Variants in GPHN observed in about 807,000 individuals in gnomAD.
The protein encoded by GPHN is gephyrin.
GPHN carries 17 observed loss-of-function variants against 95.5 expected under a neutral mutation model. The observed-to-expected ratio is 0.18, with a 90% CI of 0.12 to 0.27. GPHN has a LOEUF of 0.27. Among genes scored for constraint, GPHN ranks in the 10% least tolerant of loss-of-function variants. The pLI, the probability that GPHN is intolerant of heterozygous loss-of-function variation, is 1.00. For synonymous variants in GPHN, 320 were observed against 322.5 expected (o/e 0.99, Z 0.08); for missense variants, 660 against 978.1 (o/e 0.67, Z 4.34).
chr14:66,831,251 ATT>A (rs1257988212), intron 4 of GPHN, among the ~76,000 whole-genome samples: 1 of 152,134 alleles, frequency 6.6e-6, no homozygotes, highest in Non-Finnish European at 1.5e-5. Context: ...AGAAAATTTG[ATT>A]TTGTTTTGAG....
the GPHN span, chr14:67,198,460 T>C: frequency 1.3e-6 from 1 of 787,162 alleles, no homozygotes; most frequent in South Asian, 2.1e-5. Flanking sequence ...GTTTGGGAAC[T>C]TTAAAAAACC....
At chr14:67,115,225 T>C (rs1272062387) in intron 16 of GPHN, among the ~76,000 whole-genome samples, 1 of 151,936 alleles carries the variant, frequency 6.6e-6, no homozygotes, top group African/African-American at 2.4e-5. Context: ...CCAGGCACTT[T>C]ACTGGAAATT....
intron 1 of GPHN, among the ~76,000 whole-genome samples, chr14:66,573,229 T>C (rs1041373282): frequency 6.6e-6 from 1 of 152,198 alleles, no homozygotes; most frequent in African/African-American, 2.4e-5. Flanking sequence ...CATAGTGCTG[T>C]TTGATTCTGT....
chr14:67,031,063 A>G (rs545820519), intron 10 of GPHN, among the ~76,000 whole-genome samples: 1 of 152,082 alleles, frequency 6.6e-6, no homozygotes, highest in African/African-American at 2.4e-5. Flanking sequence ...TCTTCAAATT[A>G]TCTCATGTAT....
intron 2 of GPHN, among the ~76,000 whole-genome samples, chr14:66,771,573 T>C (rs1394146892): frequency 6.6e-6 from 1 of 152,000 alleles, no homozygotes; most frequent in East Asian, 1.9e-4. Flanking sequence ...CATTGCAAAA[T>C]TGCAATTTTT....
chr14:67,160,279 C>G (rs2081897139), intron 19 of GPHN, among the ~76,000 whole-genome samples: 1 of 151,964 alleles, frequency 6.6e-6, no homozygotes, highest in Non-Finnish European at 1.5e-5. Flanking sequence ...TCCTCTGTCT[C>G]TGATATATGC....
intron 1 of GPHN, among the ~76,000 whole-genome samples, chr14:66,597,445 C>T (rs547263277): frequency 9.9e-5 from 15 of 152,240 alleles, no homozygotes; most frequent in East Asian, 3.9e-4. Flanking sequence ...ATGGAGCTGG[C>T]GTATCAGCAC....
chr14:66,981,088 G>A (rs2153598516), intron 9 of GPHN, among the ~76,000 whole-genome samples: 1 of 152,236 alleles, frequency 6.6e-6, no homozygotes, highest in Non-Finnish European at 1.5e-5. Context: ...ATATGGCAGA[G>A]GGGTTTAGAG....
intron 1 of GPHN, among the ~76,000 whole-genome samples, chr14:66,529,896 G>A (rs1170610220): frequency 1.3e-5 from 2 of 152,204 alleles, no homozygotes; most frequent in Non-Finnish European, 2.9e-5. Flanking sequence ...TGTATGAGGT[G>A]TCTGTCGACC....
Position 66,552,435 on chromosome 14 carries a change from A to G in GPHN, c.64+43844A>G, listed in dbSNP as rs545817800. Among the ~76,000 whole-genome samples the G allele has an allele frequency of 2.0e-5, 3 of 152,292 alleles. No homozygotes were observed. The South Asian group carries it at 6.2e-4, about 32-fold the overall frequency. On this transcript the variant is annotated intron_variant, in intron 1 of 22. Coordinates refer to ENST00000478722, the MANE Select transcript of GPHN (RefSeq NM_020806.5). ...ACTTTACAGTGTTTTATTTTGCTTT[A>G]AACAGTTATTTGATTTTTAAGTGAA...
intron 1 of GPHN, among the ~76,000 whole-genome samples, chr14:66,548,072 G>T (rs1205083816): frequency 6.6e-6 from 1 of 150,506 alleles, no homozygotes; most frequent in South Asian, 2.1e-4. Context: ...TACTCACTTC[G>T]TGTTTCTGTG....
intron 1 of GPHN, among the ~76,000 whole-genome samples, chr14:66,678,957 G>A (rs1595515423): frequency 6.6e-6 from 1 of 152,186 alleles, no homozygotes. Flanking sequence ...GGCTCCTAAG[G>A]GTTGTGCACA....
chr14:66,699,729 A>G (rs1037311165), intron 2 of GPHN, among the ~76,000 whole-genome samples: 3 of 152,208 alleles, frequency 2.0e-5, no homozygotes, highest in African/African-American at 7.2e-5. Context: ...ATTTGTATAA[A>G]TGATGGAATT....
intron 9 of GPHN, among the ~76,000 whole-genome samples, chr14:66,999,017 T>C (rs528055324): frequency 2.0e-5 from 3 of 151,780 alleles, no homozygotes; most frequent in Non-Finnish European, 4.4e-5. Flanking sequence ...ATTAATGTCA[T>C]CCTCATTTTA....
the GPHN span, chr14:67,590,158 C>A: frequency 6.4e-7 from 1 of 1,550,600 alleles, no homozygotes; most frequent in Non-Finnish European, 8.7e-7. Context: ...AGCAGTCCAG[C>A]CGGGGCTTGG....
At chr14:67,398,074 A>G in the GPHN span, 5,868 of 353,660 alleles carry the variant, frequency 0.017, 65 homozygotes, top group Middle Eastern at 0.04. Flanking sequence ...TAAAAAGAAG[A>G]GAAAAATCAC....
chr14:67,465,336 G>T, the GPHN span, among the ~76,000 whole-genome samples: 1 of 128,746 alleles, frequency 7.8e-6, no homozygotes. Context: ...GTGAACGGGA[G>T]CTGCAGGGAG....
chr14:66,801,697 C>T (rs549654562), intron 3 of GPHN, among the ~76,000 whole-genome samples: 33 of 148,880 alleles, frequency 2.2e-4, no homozygotes, highest in Admixed American at 4.0e-4. Context: ...CTTGTGGCCA[C>T]CATCTCTAGG....
At chr14:67,165,326 G>T (rs538556305) in intron 20 of GPHN, 100 bp downstream of exon 20, 95 of 762,096 alleles carry the variant, frequency 1.2e-4, no homozygotes, top group South Asian at 3.0e-4. Flanking sequence ...GAAAGACCTG[G>T]GCTCAAGTCT....
Sources: allele counts gnomAD v4.1 joint callset (sites outside exome capture counted in the v4.1 genomes callset), GRCh38; gene constraint gnomAD v4.1.1; transcripts MANE v1.5; gene names NCBI Gene and HGNC (gene_info 2026-07-23, HGNC 2026-07-21).